The following CRB1 variants were observed in gnomAD, a reference collection of about 807,000 sequenced individuals.
The protein encoded by CRB1 is crumbs cell polarity complex component 1, also known as protein crumbs homolog 1.
Under a neutral mutation model 120.0 loss-of-function variants are expected in CRB1, and 83 were observed. The ratio of observed to expected loss-of-function variants is 0.69; its 90% CI spans 0.58 to 0.83. CRB1 has a LOEUF of 0.83. Among genes scored for constraint, CRB1 ranks in the 40% least tolerant of loss-of-function variants. CRB1 has a pLI of 0.00. For missense variants in CRB1, 1,699 were observed against 1,687.6 expected (o/e 1.01, Z -0.12); for synonymous variants, 625 against 612.5 (o/e 1.02, Z -0.30).
chr1:197,308,311 A>G (rs1657293991), intron 1 of CRB1, among the ~76,000 whole-genome samples: 1 of 152,160 alleles, frequency 6.6e-6, no homozygotes, highest in African/African-American at 2.4e-5. Flanking sequence ...AAAGCTACCT[A>G]TTGGGTACTA....
At chr1:197,289,318 TTGTC>T (rs936915786) in intron 1 of CRB1, among the ~76,000 whole-genome samples, 7 of 151,826 alleles carry the variant, frequency 4.6e-5, no homozygotes, top group Admixed American at 1.3e-4. Flanking sequence ...TGAAAATATT[TTGTC>T]TGTCTTTTTT....
At chr1:197,256,819 T>A in the CRB1 span, among the ~76,000 whole-genome samples, 1 of 150,508 alleles carries the variant, frequency 6.6e-6, no homozygotes, top group East Asian at 2.1e-4. Flanking sequence ...AAAAAGAAAA[T>A]TTCAGAAAAA....
intron 1 of CRB1, among the ~76,000 whole-genome samples, chr1:197,318,240 G>T (rs1241231589): frequency 6.6e-6 from 1 of 151,826 alleles, no homozygotes; most frequent in Non-Finnish European, 1.5e-5. Context: ...AAATGAAAAA[G>T]AAGATGTTCA....
At chr1:197,405,226 C>T (rs2125440540) in intron 5 of CRB1, among the ~76,000 whole-genome samples, 1 of 152,302 alleles carries the variant, frequency 6.6e-6, no homozygotes, top group African/African-American at 2.4e-5. Context: ...CAGGCGCGCG[C>T]CGCCACGCCT....
the CRB1 span, among the ~76,000 whole-genome samples, chr1:197,235,109 A>C: frequency 6.6e-6 from 1 of 152,208 alleles, no homozygotes; most frequent in South Asian, 2.1e-4. Flanking sequence ...CTATGTCCCA[A>C]GTAGGCAAAT....
the CRB1 span, among the ~76,000 whole-genome samples, chr1:197,242,850 A>G: frequency 1.3e-5 from 2 of 152,010 alleles, no homozygotes; most frequent in Non-Finnish European, 2.9e-5. Flanking sequence ...TCAATTTCAG[A>G]AATTGTTATT....
chr1:197,398,805 A>G (rs1662906126), intron 5 of CRB1, among the ~76,000 whole-genome samples: 1 of 151,972 alleles, frequency 6.6e-6, no homozygotes, highest in Non-Finnish European at 1.5e-5. Flanking sequence ...ATATATACAT[A>G]TTTCCATTTA....
chr1:197,406,592 AAAT>A (rs1219081206), intron 5 of CRB1, among the ~76,000 whole-genome samples: 1 of 152,202 alleles, frequency 6.6e-6, no homozygotes, highest in African/African-American at 2.4e-5. Flanking sequence ...AATAAATAAA[AAAT>A]AATGTGCTCA....
intron 5 of CRB1, chr1:197,363,887 G>A: frequency 1.9e-6 from 2 of 1,077,038 alleles, no homozygotes; most frequent in South Asian, 1.3e-5. Flanking sequence ...GGTGCATAGA[G>A]GACCCTAAAC....
Position 197,405,139 on chromosome 1 carries a change from T to C in CRB1, c.1172-15861T>C, listed in dbSNP as rs867809577. On this transcript the variant is annotated intron_variant, in intron 5 of 11. Coordinates refer to ENST00000367400, the MANE Select transcript of CRB1 (RefSeq NM_201253.3). ...CTCTGATGCCGAGCCGAAGCTGGAC[T>C]GTACTGCTGCCATCTCGGCTCACTG... is the stretch of plus-strand genomic sequence containing the variant. 5.3e-5 allele frequency among the ~76,000 whole-genome samples: 8 copies of C among 152,136 alleles called. No homozygotes were observed. The South Asian group carries it at 1.7e-3, about 32-fold the overall frequency.
chr1:197,294,042 C>T (rs1656363104), intron 1 of CRB1, among the ~76,000 whole-genome samples: 1 of 152,116 alleles, frequency 6.6e-6, no homozygotes, highest in Non-Finnish European at 1.5e-5. Context: ...GCAATGGCAA[C>T]AAAAGCCAAA....
chr1:197,361,454 G>A (rs185225984), intron 5 of CRB1, among the ~76,000 whole-genome samples: 23 of 151,824 alleles, frequency 1.5e-4, no homozygotes, highest in African/African-American at 1.7e-4. Flanking sequence ...ACTTATTTTC[G>A]GCAATTTGTG....
intron 1 of CRB1, among the ~76,000 whole-genome samples, chr1:197,281,545 T>A (rs1234817680): frequency 6.6e-6 from 1 of 151,680 alleles, no homozygotes; most frequent in East Asian, 2.0e-4. Flanking sequence ...ATAGGAACCC[T>A]GGCATGCTCA....
At chr1:197,218,413 A>G in the CRB1 span, among the ~76,000 whole-genome samples, 1 of 152,232 alleles carries the variant, frequency 6.6e-6, no homozygotes. Flanking sequence ...AGATTCTCAT[A>G]TATGAGTATG....
intron 1 of CRB1, among the ~76,000 whole-genome samples, chr1:197,303,509 G>C (rs1311159192): frequency 1.3e-5 from 2 of 151,730 alleles, no homozygotes; most frequent in South Asian, 2.1e-4. Context: ...TCAGATGACT[G>C]TATCTAGCTT....
At chr1:197,446,471 C>T (rs1160286984) in intron 11 of CRB1, among the ~76,000 whole-genome samples, 4 of 152,072 alleles carry the variant, frequency 2.6e-5, no homozygotes, top group Non-Finnish European at 2.9e-5. Flanking sequence ...ATGGGGCTGT[C>T]GAAAGAAGCA....
At chr1:197,388,402 G>A (rs1398141770) in intron 5 of CRB1, among the ~76,000 whole-genome samples, 2 of 151,930 alleles carry the variant, frequency 1.3e-5, no homozygotes, top group Non-Finnish European at 2.9e-5. Context: ...CAATTTCACA[G>A]CATTACAATA....
At chr1:197,410,448 G>A (rs897082219) in intron 5 of CRB1, among the ~76,000 whole-genome samples, 2 of 152,152 alleles carry the variant, frequency 1.3e-5, no homozygotes, top group Admixed American at 6.5e-5. Context: ...TGGACATGAT[G>A]AAATCTAACT....
At chr1:197,289,269 A>G (rs912765776) in intron 1 of CRB1, among the ~76,000 whole-genome samples, 1 of 151,904 alleles carries the variant, frequency 6.6e-6, no homozygotes, top group Non-Finnish European at 1.5e-5. Flanking sequence ...TTCCTGAAAT[A>G]TAATTATCTT....
Sources: gnomAD v4.1 joint callset for allele counts (sites outside exome capture counted in the v4.1 genomes callset) on GRCh38, gnomAD v4.1.1 for gene constraint, MANE v1.5 for transcripts, NCBI Gene and HGNC (gene_info 2026-07-23, HGNC 2026-07-21) for gene names.